Variants in MSH3 observed in about 807,000 individuals in gnomAD.
MSH3 encodes mutS homolog 3, also known as DNA mismatch repair protein Msh3.
A neutral mutation model predicts 123.3 loss-of-function variants in MSH3; 106 were observed. The observed-to-expected ratio is 0.86, with a 90% CI of 0.73 to 1.01. MSH3 has a LOEUF of 1.01. Ranked by LOEUF, MSH3 falls within the 50% of genes least tolerant of loss-of-function variation. The pLI is 0.00. For missense variants in MSH3, 1,459 were observed against 1,347.6 expected (o/e 1.08, Z -1.29); for synonymous variants, 515 against 481.4 (o/e 1.07, Z -0.91).
chr5:80,720,643 G>A (rs868786203), intron 8 of MSH3, among the ~76,000 whole-genome samples: 18 of 151,920 alleles, frequency 1.2e-4, no homozygotes, highest in African/African-American at 4.3e-4. Flanking sequence ...TTTTTAACTT[G>A]TTAGGGTTTT....
chr5:80,680,106 A>G (rs544280856), intron 8 of MSH3, among the ~76,000 whole-genome samples: 1 of 152,090 alleles, frequency 6.6e-6, no homozygotes, highest in African/African-American at 2.4e-5. Context: ...AAAAAAATAC[A>G]AAAATTAGCT....
intron 19 of MSH3, among the ~76,000 whole-genome samples, chr5:80,807,248 A>G (rs1236366315): frequency 3.3e-5 from 5 of 151,980 alleles, no homozygotes; most frequent in Non-Finnish European, 7.4e-5. Flanking sequence ...GTGAAATGAC[A>G]TATAATGAAA....
At position 80,831,863 on chromosome 5, in the gene MSH3, C is replaced by G. The variant is rs374895926; in HGVS notation, c.2813+18122C>G. Among the ~76,000 whole-genome samples the G allele has an allele frequency of 1.2e-4, 18 of 152,280 alleles. No homozygotes were observed. The South Asian group carries it at 3.7e-3, about 32-fold the overall frequency. On this transcript the variant is annotated intron_variant, in intron 20 of 23. Coordinates refer to ENST00000265081, the MANE Select transcript of MSH3 (RefSeq NM_002439.5). ...GTGGCTGACTCCTGTAATCCCAGCA[C>G]TTTGGGAGGCCGAGGCGGGTGGATC...
intron 8 of MSH3, among the ~76,000 whole-genome samples, chr5:80,718,240 T>C (rs1054331545): frequency 6.6e-6 from 1 of 152,216 alleles, no homozygotes; most frequent in Non-Finnish European, 1.5e-5. Context: ...TGTATCCTTA[T>C]GGTTTAATTT....
intron 12 of MSH3, among the ~76,000 whole-genome samples, chr5:80,761,096 G>T (rs1296527259): frequency 6.6e-6 from 1 of 152,210 alleles, no homozygotes; most frequent in Admixed American, 6.5e-5. Context: ...AGACAGCGAG[G>T]TTGGGGGAGG....
chr5:80,666,726 A>G (rs1677638), intron 3 of MSH3, among the ~76,000 whole-genome samples: 41,999 of 151,928 alleles, frequency 0.28, 5,990 homozygotes, highest in Middle Eastern at 0.35. Flanking sequence ...TGCCATTATT[A>G]CAGGTGATAA....
chr5:80,714,882 G>A (rs1175824808), intron 8 of MSH3, among the ~76,000 whole-genome samples: 3 of 152,172 alleles, frequency 2.0e-5, no homozygotes, highest in Non-Finnish European at 2.9e-5. Flanking sequence ...AAATTGATAA[G>A]AACTTTGCAG....
chr5:80,875,880 T>C lies in MSH3; in HGVS notation c.*18T>C. 1 of 1,459,542 alleles carries C rather than the reference T, an allele frequency of 6.9e-7. No homozygotes were observed. The highest frequency in any genetic ancestry group is 9.6e-7 in the Non-Finnish European group (1 of 1,040,488). The allele number at this position is 1,459,542 out of a possible 1,614,324, so 90.4% of individuals were successfully genotyped here. ...TTCATTAAAATGAAGACTACATTTG[T>C]GAACAAAAAATGGAGAATTAAAAAT... On this transcript the variant is annotated 3_prime_UTR_variant, in exon 24 of 24. Transcript: ENST00000265081.
intron 19 of MSH3, among the ~76,000 whole-genome samples, chr5:80,810,683 G>T (rs1238835205): frequency 2.0e-5 from 3 of 152,102 alleles, no homozygotes; most frequent in African/African-American, 7.2e-5. Context: ...TCACACTACT[G>T]TAATTACTGT....
intron 19 of MSH3, among the ~76,000 whole-genome samples, chr5:80,808,045 C>T (rs1744923287): frequency 6.6e-6 from 1 of 152,060 alleles, no homozygotes; most frequent in Non-Finnish European, 1.5e-5. Context: ...TAAAAGTGTT[C>T]TCTATAAAGG....
At chr5:80,769,077 A>G in intron 15 of MSH3, 74 bp downstream of exon 15, 1 of 1,315,262 alleles carries the variant, frequency 7.6e-7, no homozygotes, top group South Asian at 1.2e-5. Context: ...GTAAATAGAA[A>G]TCTGAGGATA....
chr5:80,802,265 A>G (rs1307861529), intron 19 of MSH3, among the ~76,000 whole-genome samples: 2 of 152,010 alleles, frequency 1.3e-5, no homozygotes, highest in Non-Finnish European at 2.9e-5. Context: ...ATTTTCCTAT[A>G]TTCTTAAAAA....
At chr5:80,788,535 G>C (rs886701089) in intron 18 of MSH3, among the ~76,000 whole-genome samples, 3 of 152,082 alleles carry the variant, frequency 2.0e-5, no homozygotes, top group African/African-American at 7.2e-5. Flanking sequence ...GTAAGACTAG[G>C]CTTGGTGGCT....
intron 20 of MSH3, among the ~76,000 whole-genome samples, chr5:80,831,458 T>G (rs1344770470): frequency 6.6e-6 from 1 of 152,176 alleles, no homozygotes; most frequent in Non-Finnish European, 1.5e-5. Context: ...TTCTGAGTTA[T>G]TGTTTATGTT....
At chr5:80,763,506 A>G (rs1561469916) in intron 13 of MSH3, among the ~76,000 whole-genome samples, 1 of 152,206 alleles carries the variant, frequency 6.6e-6, no homozygotes, top group African/African-American at 2.4e-5. Flanking sequence ...GTGGGTGCCA[A>G]ACCATTTGTT....
At chr5:80,859,680 A>G (rs2112112638) in intron 21 of MSH3, among the ~76,000 whole-genome samples, 1 of 147,064 alleles carries the variant, frequency 6.8e-6, no homozygotes, top group African/African-American at 2.5e-5. Flanking sequence ...ATGTGGTTTT[A>G]ACTGAGTATT....
chr5:80,828,041 T>C (rs936025231), intron 20 of MSH3, among the ~76,000 whole-genome samples: 1 of 152,122 alleles, frequency 6.6e-6, no homozygotes, highest in East Asian at 1.9e-4. Context: ...TTTCTTACAA[T>C]TGATGAACCT....
intron 20 of MSH3, among the ~76,000 whole-genome samples, chr5:80,827,693 T>C (rs952989142): frequency 6.6e-6 from 1 of 152,218 alleles, no homozygotes; most frequent in Admixed American, 6.5e-5. Context: ...ACTAGTTATC[T>C]TATTTCATCT....
At chr5:80,864,052 G>A (rs1236214896) in intron 21 of MSH3, among the ~76,000 whole-genome samples, 1 of 152,152 alleles carries the variant, frequency 6.6e-6, no homozygotes, top group East Asian at 1.9e-4. Context: ...GGCGTGGCAA[G>A]GAAATATACT....
Sources: allele counts gnomAD v4.1 joint callset (sites outside exome capture counted in the v4.1 genomes callset), GRCh38; gene constraint gnomAD v4.1.1; transcripts MANE v1.5; gene names NCBI Gene and HGNC (gene_info 2026-07-23, HGNC 2026-07-21).